AGAP1: variants seen among roughly 807,000 people sequenced by gnomAD.
The protein encoded by AGAP1 is arf-GAP with GTPase, ANK repeat and PH domain-containing protein 1.
A neutral mutation model predicts 105.3 loss-of-function variants in AGAP1; 29 were observed. The ratio of observed to expected loss-of-function variants is 0.28; its 90% CI spans 0.21 to 0.38. The LOEUF (loss-of-function observed/expected upper bound fraction) is 0.38, where lower values mean the gene tolerates loss of function less well. Ranked by LOEUF, AGAP1 falls within the 10% of genes least tolerant of loss-of-function variation. The probability of loss-of-function intolerance (pLI) is 1.00; values close to 1 mark genes in which losing one functional copy is unlikely to be tolerated. For missense variants in AGAP1, 998 were observed against 1,165.1 expected (o/e 0.86, Z 2.09); for synonymous variants, 509 against 485.9 (o/e 1.05, Z -0.63).
At chr2:235,518,737 T>A (rs1942497488) in intron 1 of AGAP1, among the ~76,000 whole-genome samples, 1 of 152,238 alleles carries the variant, frequency 6.6e-6, no homozygotes, top group Non-Finnish European at 1.5e-5. Flanking sequence ...ATAACTTTTT[T>A]AATCCTCAAA....
At position 235,662,609 on chromosome 2, in the gene AGAP1, C is replaced by T. The variant is rs757998681; in HGVS notation, c.164-46570C>T. 2.0e-5 allele frequency among the ~76,000 whole-genome samples: 3 copies of T among 150,718 alleles called. No homozygotes were observed. Among genetic ancestry groups the T allele is most frequent in the Non-Finnish European group, 2.9e-5 (2 of 67,898 alleles). ...GCAACCTCTGCCTCCTGGGTTCAAG[C>T]GATTTTTCTGCCTCAGCCTCCCAAG... On this transcript the variant is annotated intron_variant, in intron 1 of 17. Transcript: ENST00000304032. The surrounding 1 kb of genome is among the most constrained non-coding windows in gnomAD (Gnocchi z 4.2).
intron 9 of AGAP1, among the ~76,000 whole-genome samples, chr2:235,859,402 C>A (rs1186395366): frequency 3.1e-5 from 3 of 95,516 alleles, no homozygotes; most frequent in Admixed American, 1.2e-4. Context: ...CTCCCCCCCC[C>A]CCCCCGCCTT....
chr2:235,684,257 G>T (rs991773208), intron 1 of AGAP1, among the ~76,000 whole-genome samples: 1 of 152,058 alleles, frequency 6.6e-6, no homozygotes, highest in African/African-American at 2.4e-5. Flanking sequence ...TGTTAGCCAG[G>T]ATGGTCTCGA....
At chr2:235,987,935 T>G (rs1430813496) in intron 13 of AGAP1, among the ~76,000 whole-genome samples, 1 of 152,156 alleles carries the variant, frequency 6.6e-6, no homozygotes, top group African/African-American at 2.4e-5. Context: ...CAAAAATAGG[T>G]GATATAAACA....
chr2:235,818,678 A>G (rs1478348165), intron 9 of AGAP1, among the ~76,000 whole-genome samples: 4 of 152,148 alleles, frequency 2.6e-5, no homozygotes, highest in Non-Finnish European at 4.4e-5. Context: ...CCTGACCTCA[A>G]GCAATTCTCC....
Position 235,787,944 on chromosome 2 carries a change from G to A in AGAP1, c.674-9815G>A, listed in dbSNP as rs1305175013. ...CATTCCGGGACCAAGAGCAAGCAAG[G>A]CCAAGAGCATTGTAAGACCAAGAGC... is the stretch of plus-strand genomic sequence containing the variant. On this transcript the variant is annotated intron_variant, in intron 6 of 17. Transcript: ENST00000304032. The surrounding 1 kb of genome is among the most constrained non-coding windows in gnomAD (Gnocchi z 4.4). 6.6e-6 allele frequency among the ~76,000 whole-genome samples: 1 copy of A among 152,090 alleles called. No homozygotes were observed. Among genetic ancestry groups the A allele is most frequent in the Non-Finnish European group, 1.5e-5 (1 of 68,018 alleles).
rs201850857 is a variant in AGAP1 at position 235,965,313 on chromosome 2, G to A, written c.1484-3149G>A. 8.5e-5 allele frequency among the ~76,000 whole-genome samples: 13 copies of A among 152,180 alleles called. No homozygotes were observed. The highest frequency in any genetic ancestry group is 1.3e-4 in the Non-Finnish European group (9 of 68,034). On this transcript the variant is annotated intron_variant, in intron 12 of 17. Transcript: ENST00000304032. This position sits in a 1 kb window ranked among gnomAD's most constrained non-coding sequence, Gnocchi z 5.8. ...GCACATGGAGAATGCCCCTGTGGAC[G>A]TAGGGAGGAGAGGCAGGAAAACATG...
intron 12 of AGAP1, among the ~76,000 whole-genome samples, chr2:235,954,762 T>C (rs2053878629): frequency 6.6e-6 from 1 of 151,816 alleles, no homozygotes; most frequent in Non-Finnish European, 1.5e-5. Context: ...TATGCACACA[T>C]ATATATGCTT....
chr2:235,936,077 G>A lies in AGAP1; in HGVS notation c.1483+5154G>A, dbSNP rs2052974200. On this transcript the variant is annotated intron_variant, in intron 12 of 17. Transcript: ENST00000304032. The surrounding 1 kb of genome is among the most constrained non-coding windows in gnomAD (Gnocchi z 4.7). ...CGCTCCCCCAGCCCTGGACTGTCAG[G>A]TTCTTCTGATAGCTCCACCCCATCC... is the stretch of plus-strand genomic sequence containing the variant. Among the ~76,000 whole-genome samples, 1 of 152,200 alleles carries A rather than the reference G, an allele frequency of 6.6e-6. No homozygotes were observed. The highest frequency in any genetic ancestry group is 1.5e-5 in the Non-Finnish European group (1 of 68,040).
chr2:235,781,314 G>A (rs116271587), intron 6 of AGAP1, among the ~76,000 whole-genome samples: 3,114 of 152,276 alleles, frequency 0.02, 98 homozygotes, highest in African/African-American at 0.071. Flanking sequence ...CCAGGGGTTC[G>A]ACATTCATAT....
In AGAP1 at chr2:236,109,895, G is replaced by A. The variant is rs1244285189; in HGVS notation, c.2115-10297G>A. On this transcript the variant is annotated intron_variant, in intron 16 of 17. Transcript: ENST00000304032. The surrounding 1 kb of genome is among the most constrained non-coding windows in gnomAD (Gnocchi z 5.4). Reference sequence around the variant, plus strand: ...TGAAGCAAACCCTACCTAACCCTTCGTCAGAGACCAGAACCAAGTGTTAAG... The same window carrying A: ...TGAAGCAAACCCTACCTAACCCTTCATCAGAGACCAGAACCAAGTGTTAAG... Among the ~76,000 whole-genome samples the A allele has an allele frequency of 6.6e-6, 1 of 152,202 alleles. No individual in the cohort carries two copies. The highest frequency in any genetic ancestry group is 2.4e-5 in the African/African-American group (1 of 41,454).
intron 1 of AGAP1, among the ~76,000 whole-genome samples, chr2:235,558,774 T>A (rs1232949255): frequency 6.6e-6 from 1 of 152,152 alleles, no homozygotes; most frequent in African/African-American, 2.4e-5. Flanking sequence ...CCCTCAGCCA[T>A]AAACACATTG....
chr2:235,807,975 G>T (rs1231901891), intron 9 of AGAP1, among the ~76,000 whole-genome samples: 1 of 151,792 alleles, frequency 6.6e-6, no homozygotes, highest in Non-Finnish European at 1.5e-5. Context: ...TTTGGCCTAT[G>T]TTGCTAGCCT....
chr2:235,664,300 C>T lies in AGAP1; in HGVS notation c.164-44879C>T, dbSNP rs1024375848. ...GATCTCAGCTCCCTGCAACCTCTGC[C>T]TCCTGGGTTCAAGCGATTTCCCTAC... On this transcript the variant is annotated intron_variant, in intron 1 of 17. Transcript: ENST00000304032. The surrounding 1 kb of genome is among the most constrained non-coding windows in gnomAD (Gnocchi z 5.7). 1.3e-5 allele frequency among the ~76,000 whole-genome samples: 2 copies of T among 152,096 alleles called. No individual in the cohort carries two copies. Among genetic ancestry groups the T allele is most frequent in the African/African-American group, 4.8e-5 (2 of 41,400 alleles).
intron 6 of AGAP1, among the ~76,000 whole-genome samples, chr2:235,763,208 T>C (rs565386150): frequency 6.6e-6 from 1 of 152,088 alleles, no homozygotes; most frequent in African/African-American, 2.4e-5. Flanking sequence ...AAATCCGAAA[T>C]GTTTTGAGTG....
chr2:235,910,207 C>T lies in AGAP1; in HGVS notation c.1324+1301C>T, dbSNP rs1001695266. On this transcript the variant is annotated intron_variant, in intron 11 of 17. Transcript: ENST00000304032. ...AAATTTGGGTCCACCATCCTGGGCT[C>T]CGCTGCATAGTGTTAGGCAGTCACT... Among the ~76,000 whole-genome samples, 7 of 5,208 alleles carry T rather than the reference C, an allele frequency of 1.3e-3. No homozygotes were observed. The African/African-American group carries it at 0.018, about 13-fold the overall frequency. 3.4% of individuals were successfully genotyped at this position (5,208 alleles called of 152,430 possible).
rs376201353 is a variant in AGAP1, at chr2:235,729,232, TGAG to T, written c.310+11592_310+11594del. 6.2e-3 allele frequency among the ~76,000 whole-genome samples: 941 copies of T among 152,224 alleles called. 21 individuals are homozygous for T. Among genetic ancestry groups the T allele is most frequent in the South Asian group, 0.031 (150 of 4,828 alleles). ...TGCACTAACTAGGGCGTGTGCCCCT[TGAG>T]GAGCCGCATCCGCTTATTGGGCCTA... On this transcript the variant is annotated intron_variant, in intron 3 of 17. Coordinates refer to ENST00000304032, the MANE Select transcript of AGAP1 (RefSeq NM_001037131.3). The surrounding 1 kb of genome is among the most constrained non-coding windows in gnomAD (Gnocchi z 5.0).
chr2:236,077,160 T>TAC, intron 16 of AGAP1, among the ~76,000 whole-genome samples: 1 of 147,176 alleles, frequency 6.8e-6, no homozygotes, highest in African/African-American at 2.5e-5. Context: ...TATATATATA[T>TAC]TCATATTCCA....
chr2:236,078,728 G>A lies in AGAP1; in HGVS notation c.2114+29447G>A, dbSNP rs1027823573. Among the ~76,000 whole-genome samples, 1 of 152,118 alleles carries A rather than the reference G, an allele frequency of 6.6e-6. No homozygotes were observed. The highest frequency in any genetic ancestry group is 1.5e-5 in the Non-Finnish European group (1 of 68,006). On this transcript the variant is annotated intron_variant, in intron 16 of 17. Transcript: ENST00000304032. The surrounding 1 kb of genome is among the most constrained non-coding windows in gnomAD (Gnocchi z 5.3). ...GGCTGGGTGCTAGATGGGACCATGG[G>A]ACCCAAGTCCACCCTCTGGCCCCTT...
Sources: allele counts gnomAD v4.1 joint callset (sites outside exome capture counted in the v4.1 genomes callset), GRCh38; gene constraint gnomAD v4.1.1; non-coding constraint Gnocchi (gnomAD v3.1); transcripts MANE v1.5; gene names NCBI Gene and HGNC (gene_info 2026-07-23, HGNC 2026-07-21).